SMYD3: variants seen among roughly 807,000 people sequenced by gnomAD.
SMYD3 encodes histone-lysine N-methyltransferase SMYD3.
A neutral mutation model predicts 57.7 loss-of-function variants in SMYD3; 36 were observed. The observed-to-expected ratio is 0.62, with a 90% CI of 0.48 to 0.82. The LOEUF (loss-of-function observed/expected upper bound fraction) is 0.82, where lower values mean the gene tolerates loss of function less well. Ranked by LOEUF, SMYD3 falls within the 40% of genes least tolerant of loss-of-function variation. The pLI, the probability that SMYD3 is intolerant of heterozygous loss-of-function variation, is 0.00. For missense variants in SMYD3, 515 were observed against 538.8 expected, an observed-to-expected ratio of 0.96 and a Z score of 0.44; for synonymous variants, 211 against 195.0, an observed-to-expected ratio of 1.08 and a Z score of -0.68.
chr1:245,830,042 G>C (rs539405122), intron 10 of SMYD3, among the ~76,000 whole-genome samples: 1 of 152,258 alleles, frequency 6.6e-6, no homozygotes, highest in South Asian at 2.1e-4. Flanking sequence ...TTGTGGTGAT[G>C]ATTGCAGAAC....
intron 5 of SMYD3, among the ~76,000 whole-genome samples, chr1:245,968,676 T>C (rs2058216405): frequency 6.6e-6 from 1 of 152,204 alleles, no homozygotes; most frequent in African/African-American, 2.4e-5. Context: ...GTTACTCAAG[T>C]CTTCTGGAAC....
chr1:246,251,445 C>T lies in SMYD3; in HGVS notation c.531+75756G>A, dbSNP rs1336260324. 2.0e-5 allele frequency among the ~76,000 whole-genome samples: 3 copies of T among 150,700 alleles called. 1 individual carries two copies. The highest frequency in any genetic ancestry group is 7.4e-5 in the African/African-American group (3 of 40,558). On this transcript the variant is annotated intron_variant, in intron 5 of 11. Coordinates refer to ENST00000490107, the MANE Select transcript of SMYD3 (RefSeq NM_001167740.2). ...CACTGTGCCCGGCTTTAGTAGGTGCCTCGGACACTGTGCCCGGCTTTAGTA... is the reference window on the plus strand; with the variant it reads ...CACTGTGCCCGGCTTTAGTAGGTGCTTCGGACACTGTGCCCGGCTTTAGTA...
At chr1:246,433,097 G>A (rs1450926637) in intron 1 of SMYD3, among the ~76,000 whole-genome samples, 1 of 152,140 alleles carries the variant, frequency 6.6e-6, no homozygotes, top group African/African-American at 2.4e-5. Flanking sequence ...AAGACTCCTG[G>A]AACTGATAAA....
intron 1 of SMYD3, among the ~76,000 whole-genome samples, chr1:246,440,431 C>T (rs558552499): frequency 1.8e-3 from 281 of 152,294 alleles, no homozygotes; most frequent in African/African-American, 6.5e-3. Context: ...GATATCGTCA[C>T]ACCCACTACA....
intron 5 of SMYD3, among the ~76,000 whole-genome samples, chr1:246,262,313 T>G (rs2064027066): frequency 6.6e-6 from 1 of 152,230 alleles, no homozygotes; most frequent in Non-Finnish European, 1.5e-5. Context: ...AGAATCCGAT[T>G]TTAAATCTTG....
rs1390977951 is a variant in SMYD3, at chr1:246,203,345, A to G, written c.531+123856T>C. On this transcript the variant is annotated intron_variant, in intron 5 of 11. Coordinates refer to ENST00000490107, the MANE Select transcript of SMYD3 (RefSeq NM_001167740.2). This position sits in a 1 kb window ranked among gnomAD's most constrained non-coding sequence, Gnocchi z 4.6. ...CATCAGACACAATCTCTGCTCCATC[A>G]ATTCTCTCCCGCTTCTGGACGCCAG... Among the ~76,000 whole-genome samples the G allele has an allele frequency of 6.6e-6, 1 of 152,156 alleles. No individual in the cohort carries two copies. The highest frequency in any genetic ancestry group is 1.5e-5 in the Non-Finnish European group (1 of 68,022).
At chr1:246,173,737 C>T (rs904499286) in intron 5 of SMYD3, among the ~76,000 whole-genome samples, 1 of 152,120 alleles carries the variant, frequency 6.6e-6, no homozygotes, top group Non-Finnish European at 1.5e-5. Context: ...GCTGTCAGCT[C>T]TTATGATAAC....
intron 5 of SMYD3, among the ~76,000 whole-genome samples, chr1:246,113,220 T>G (rs895324766): frequency 5.1e-4 from 67 of 132,568 alleles, no homozygotes; most frequent in African/African-American, 2.3e-3. Flanking sequence ...AATAAATAAA[T>G]AAATAAATAA....
At chr1:246,504,406 T>C (rs2068504929) in intron 1 of SMYD3, among the ~76,000 whole-genome samples, 1 of 152,230 alleles carries the variant, frequency 6.6e-6, no homozygotes, top group Admixed American at 6.5e-5. Flanking sequence ...GCACCGCGTG[T>C]TACTGTACTG....
At chr1:245,999,237 AT>A (rs1364950030) in intron 5 of SMYD3, among the ~76,000 whole-genome samples, 1 of 152,168 alleles carries the variant, frequency 6.6e-6, no homozygotes, top group Non-Finnish European at 1.5e-5. Flanking sequence ...TAAAAAAAAA[AT>A]AAGAGCTTAA....
At chr1:246,270,936 G>C (rs918600175) in intron 5 of SMYD3, among the ~76,000 whole-genome samples, 1 of 152,162 alleles carries the variant, frequency 6.6e-6, no homozygotes, top group Non-Finnish European at 1.5e-5. Context: ...CGTCCACGCA[G>C]TGCACAAGGC....
chr1:246,469,147 C>A (rs2067923547), intron 1 of SMYD3, among the ~76,000 whole-genome samples: 1 of 152,198 alleles, frequency 6.6e-6, no homozygotes, highest in African/African-American at 2.4e-5. Context: ...TGGCCAGTCT[C>A]CTTGGCCACT....
chr1:245,816,177 C>T (rs1405011253), intron 10 of SMYD3, among the ~76,000 whole-genome samples: 1 of 152,012 alleles, frequency 6.6e-6, no homozygotes, highest in Non-Finnish European at 1.5e-5. Context: ...CCTAAATATC[C>T]CAAGAAATCA....
intron 5 of SMYD3, among the ~76,000 whole-genome samples, chr1:246,135,214 C>A (rs2061649267): frequency 1.3e-5 from 2 of 152,130 alleles, no homozygotes; most frequent in Admixed American, 1.3e-4. Context: ...ATAGGTCTCA[C>A]TACTCCTCTG....
chr1:246,086,099 C>T (rs2060716746), intron 5 of SMYD3, among the ~76,000 whole-genome samples: 1 of 151,678 alleles, frequency 6.6e-6, no homozygotes. Flanking sequence ...CATTTCTTAT[C>T]CCAACATAAT....
intron 5 of SMYD3, among the ~76,000 whole-genome samples, chr1:246,130,429 C>T (rs550459873): frequency 3.9e-5 from 6 of 152,180 alleles, no homozygotes; most frequent in African/African-American, 1.4e-4. Context: ...CACAGGAAGA[C>T]CATTTATGCT....
intron 5 of SMYD3, among the ~76,000 whole-genome samples, chr1:246,194,928 T>C (rs2062807763): frequency 6.6e-6 from 1 of 152,230 alleles, no homozygotes; most frequent in Non-Finnish European, 1.5e-5. Context: ...ACACTAAAGC[T>C]GTAACTACAA....
At chr1:246,247,476 T>TAC (rs1358619974) in intron 5 of SMYD3, among the ~76,000 whole-genome samples, 3 of 145,084 alleles carry the variant, frequency 2.1e-5, no homozygotes, top group African/African-American at 7.7e-5. Flanking sequence ...TATATATATA[T>TAC]ATATATATAT....
chr1:246,352,956 C>T (rs551429266), intron 2 of SMYD3, among the ~76,000 whole-genome samples: 11 of 152,256 alleles, frequency 7.2e-5, no homozygotes, highest in African/African-American at 2.2e-4. Flanking sequence ...GATAATCTGT[C>T]GCTTCTCTAT....
Sources: gnomAD v4.1 joint callset for allele counts (sites outside exome capture counted in the v4.1 genomes callset) on GRCh38, gnomAD v4.1.1 for gene constraint, Gnocchi (gnomAD v3.1) non-coding constraint, MANE v1.5 for transcripts, NCBI Gene and HGNC (gene_info 2026-07-23, HGNC 2026-07-21) for gene names.